Variants in XPO1 observed in about 807,000 individuals in gnomAD.
XPO1 encodes exportin-1.
A neutral mutation model predicts 133.3 loss-of-function variants in XPO1; 5 were observed. That is an observed-to-expected ratio of 0.04 (90% CI 0.02 to 0.08). The LOEUF (loss-of-function observed/expected upper bound fraction) is 0.08, where lower values mean the gene tolerates loss of function less well. XPO1 is among the 10% of genes least tolerant of loss of function. The pLI is 1.00. For synonymous variants in XPO1, 419 were observed against 408.2 expected (o/e 1.03, Z -0.32); for missense variants, 506 against 1,267.5 (o/e 0.40, Z 9.12).
chr2:61,506,498 C>G (rs1186790448), intron 4 of XPO1, among the ~76,000 whole-genome samples: 1 of 148,176 alleles, frequency 6.7e-6, no homozygotes, highest in Non-Finnish European at 1.5e-5. Flanking sequence ...ACCTGGGAAG[C>G]TGAGGCAGGA....
chr2:61,492,961 C>T lies in XPO1; in HGVS notation c.1338G>A (p.Lys446=). Residue 446 remains lysine (K), a synonymous_variant, in exon 13 of 25, where the codon AAG becomes AAA. Transcript: ENST00000401558. This position sits in a 1 kb window ranked among gnomAD's most constrained non-coding sequence, Gnocchi z 5.6. ...TATACAAATTTATGGAATCTGTATCCTTCATGAATTCTCTCACAACTTCTC... is the reference window on the plus strand; with the variant it reads ...TATACAAATTTATGGAATCTGTATCTTTCATGAATTCTCTCACAACTTCTC... ...DQGEVVREFM[K]DTDSINLYKN... 1 of 1,610,680 alleles carries T rather than the reference C, an allele frequency of 6.2e-7. No individual in the cohort carries two copies. Among genetic ancestry groups the T allele is most frequent in the Non-Finnish European group, 8.5e-7 (1 of 1,179,096 alleles).
chr2:61,480,296 T>TTTC (rs1180364461), intron 24 of XPO1: 22 of 150,544 alleles, frequency 1.5e-4, no homozygotes, highest in African/African-American at 4.4e-4. Flanking sequence ...TTTTTTTTTT[T>TTTC]GAGATGAAGT....
chr2:61,498,822 C>T (rs760962418), intron 8 of XPO1, 30 bp from the exon 9 acceptor site: 6 of 1,609,932 alleles, frequency 3.7e-6, no homozygotes, highest in African/African-American at 1.3e-5. Context: ...TAAATAATTG[C>T]TTTCCTATTA....
intron 6 of XPO1, among the ~76,000 whole-genome samples, chr2:61,501,007 A>G (rs1185960578): frequency 1.3e-5 from 2 of 152,172 alleles, no homozygotes; most frequent in Non-Finnish European, 2.9e-5. Context: ...ACTGCATTAT[A>G]TTTGTATGCA....
intron 3 of XPO1, 35 bp downstream of exon 3, chr2:61,526,385 A>C: frequency 1.3e-6 from 2 of 1,590,794 alleles, no homozygotes; most frequent in South Asian, 2.3e-5. Flanking sequence ...CTGGAAGAAA[A>C]GAAATAACAG....
intron 2 of XPO1, among the ~76,000 whole-genome samples, chr2:61,532,960 C>G (rs529239989): frequency 6.6e-6 from 1 of 152,132 alleles, no homozygotes; most frequent in African/African-American, 2.4e-5. Flanking sequence ...GGTGGATCAC[C>G]TGAGGTCAGG....
chr2:61,516,123 C>T (rs1698376396), intron 4 of XPO1, among the ~76,000 whole-genome samples: 1 of 146,714 alleles, frequency 6.8e-6, no homozygotes, highest in Admixed American at 6.8e-5. Context: ...GAAACTCCGT[C>T]GCAAAATTAA....
chr2:61,530,020 G>A (rs573228275), intron 2 of XPO1, among the ~76,000 whole-genome samples: 1 of 152,332 alleles, frequency 6.6e-6, no homozygotes, highest in East Asian at 1.9e-4. Context: ...AAGGCCGAAA[G>A]AATAATGATG....
Position 61,492,897 on chromosome 2 carries a change from C to T in XPO1, c.1384+18G>A, listed in dbSNP as rs1359976071. On this transcript the variant is annotated intron_variant, in intron 13 of 24. Transcript: ENST00000401558. The surrounding 1 kb of genome is among the most constrained non-coding windows in gnomAD (Gnocchi z 5.6). ...ATAGATTTATAAAGGTAAAGATTAA[C>T]AGTATTTATTAACTTACCCAATGTT... 6.3e-7 allele frequency: 1 copy of T among 1,585,254 alleles called. No individual in the cohort carries two copies. The highest frequency in any genetic ancestry group is 8.6e-7 in the Non-Finnish European group (1 of 1,167,312).
Position 61,478,632 on chromosome 2 carries a change from A to G in XPO1, c.*188T>C, listed in dbSNP as rs1418080820. The G allele has an allele frequency of 8.3e-6, 5 of 602,286 alleles. No individual in the cohort carries two copies. The highest frequency in any genetic ancestry group is 1.1e-5 in the Non-Finnish European group (4 of 378,510). 37.3% of individuals were successfully genotyped at this position (602,286 alleles called of 1,614,324 possible). On this transcript the variant is annotated 3_prime_UTR_variant, in exon 25 of 25. Coordinates refer to ENST00000401558, the MANE Select transcript of XPO1 (RefSeq NM_003400.4). ...TCATGCAAACTAAATAAAGATGACC[A>G]AAACAAAAGCTTAAACAATGGAAGG...
At chr2:61,518,419 C>T (rs912468190) in intron 4 of XPO1, among the ~76,000 whole-genome samples, 2 of 15,842 alleles carry the variant, frequency 1.3e-4, no homozygotes, top group South Asian at 4.4e-3. Flanking sequence ...AAAAACAAAA[C>T]ACACACACAC....
chr2:61,497,848 A>G (rs1002910044), intron 9 of XPO1, among the ~76,000 whole-genome samples: 2 of 152,218 alleles, frequency 1.3e-5, no homozygotes, highest in Non-Finnish European at 2.9e-5. Flanking sequence ...ATTGCATAAT[A>G]TCTTATGTCT....
intron 22 of XPO1, 146 bp downstream of exon 22, chr2:61,482,811 C>A: frequency 1.1e-6 from 1 of 950,036 alleles, no homozygotes; most frequent in South Asian, 1.6e-5. Flanking sequence ...ATTTTTAGTA[C>A]AGACAGTTTC....
intron 3 of XPO1, 70 bp from the exon 4 acceptor site, chr2:61,522,753 T>G (rs1329022497): frequency 6.4e-6 from 7 of 1,094,140 alleles, no homozygotes; most frequent in Non-Finnish European, 9.7e-6. Context: ...GATTCACAAA[T>G]GGACAGACAT....
At chr2:61,489,893 T>C (rs1184893388) in intron 17 of XPO1, among the ~76,000 whole-genome samples, 3 of 146,276 alleles carry the variant, frequency 2.1e-5, no homozygotes, top group Non-Finnish European at 4.6e-5. Flanking sequence ...GAAATTACAG[T>C]ATTTTTTTTT....
intron 4 of XPO1, among the ~76,000 whole-genome samples, chr2:61,513,818 G>T (rs756647447): frequency 9.9e-5 from 15 of 152,196 alleles, no homozygotes; most frequent in Non-Finnish European, 2.1e-4. Flanking sequence ...AAAATATACA[G>T]TTAACAAAAT....
chr2:61,518,684 A>G (rs1261824653), intron 4 of XPO1, among the ~76,000 whole-genome samples: 1 of 152,118 alleles, frequency 6.6e-6, no homozygotes, highest in African/African-American at 2.4e-5. Context: ...GAGCCCCAAT[A>G]TCAAGGAGCT....
intron 20 of XPO1, 75 bp from the exon 21 acceptor site, chr2:61,484,180 T>C: frequency 6.1e-6 from 8 of 1,308,534 alleles, no homozygotes; most frequent in Non-Finnish European, 8.6e-6. Context: ...AAAGCAAGGC[T>C]TAATCCAGTA....
chr2:61,525,398 AG>A, intron 3 of XPO1: 6 of 993,342 alleles, frequency 6.0e-6, no homozygotes, highest in Non-Finnish European at 7.2e-6. Context: ...ACATCTTTAA[AG>A]AAAAAAAAAT....
Sources: gnomAD v4.1 joint callset for allele counts (sites outside exome capture counted in the v4.1 genomes callset) on GRCh38, gnomAD v4.1.1 for gene constraint, Gnocchi (gnomAD v3.1) non-coding constraint, MANE v1.5 for transcripts, NCBI Gene and HGNC (gene_info 2026-07-23, HGNC 2026-07-21) for gene names.